Variants in FKTN observed in about 807,000 individuals in gnomAD.
FKTN encodes the protein ribitol-5-phosphate transferase FKTN.
In FKTN, 47 loss-of-function variants were observed where a neutral mutation model predicts 58.6. The ratio of observed to expected loss-of-function variants is 0.80; its 90% CI spans 0.63 to 1.02. FKTN has a LOEUF of 1.02. FKTN is among the 50% of genes least tolerant of loss of function. The probability of loss-of-function intolerance (pLI) is 0.00; values close to 1 mark genes in which losing one functional copy is unlikely to be tolerated. For missense variants in FKTN, 516 were observed against 537.3 expected, an observed-to-expected ratio of 0.96 and a Z score of 0.39; for synonymous variants, 178 against 191.9, an observed-to-expected ratio of 0.93 and a Z score of 0.60.
At chr9:105,615,767 C>T (rs1830695342) in intron 8 of FKTN, among the ~76,000 whole-genome samples, 1 of 152,144 alleles carries the variant, frequency 6.6e-6, no homozygotes. Context: ...ATATACGCTG[C>T]TCTTTCCCTA....
At chr9:105,571,313 C>A (rs557092296) in intron 1 of FKTN, among the ~76,000 whole-genome samples, 8 of 151,988 alleles carry the variant, frequency 5.3e-5, no homozygotes, top group African/African-American at 1.9e-4. Context: ...TTCAGTGTCA[C>A]ATTATTCATT....
chr9:105,638,595 T>C lies in FKTN; in HGVS notation c.*3331T>C. The C allele has an allele frequency of 1.0e-6, 1 of 985,338 alleles. No homozygotes were observed. Among genetic ancestry groups the C allele is most frequent in the Non-Finnish European group, 1.2e-6 (1 of 829,902 alleles). 61.0% of individuals were successfully genotyped at this position (985,338 alleles called of 1,614,324 possible). A position where few individuals can be genotyped will look rare whatever the true frequency, so the allele number is the denominator to read the frequency against. On this transcript the variant is annotated 3_prime_UTR_variant, in exon 11 of 11. Transcript: ENST00000357998. The stretch of plus-strand genomic sequence containing the variant: ...CTGAAGTGACCTTTTATGAGGCTCT[T>C]TCCTTCCTAAGGGACCTTTCCCTGG...
Position 105,609,040 on chromosome 9 carries a change from C to T in FKTN, c.780+1089C>T, listed in dbSNP as rs75135701. Among the ~76,000 whole-genome samples, 1,377 of 152,298 alleles carry T rather than the reference C, an allele frequency of 9.0e-3. 22 individuals are homozygous for T. The highest frequency in any genetic ancestry group is 0.032 in the African/African-American group (1,319 of 41,562). ...ATCACAGTGAATTATGAATATCTGTCTTGTCCTCTTATCAAATTTTATGAA... is the reference window on the plus strand; with the variant it reads ...ATCACAGTGAATTATGAATATCTGTTTTGTCCTCTTATCAAATTTTATGAA... On this transcript the variant is annotated intron_variant, in intron 7 of 10. Coordinates refer to ENST00000357998, the MANE Select transcript of FKTN (RefSeq NM_001079802.2).
chr9:105,563,172 G>T lies in FKTN; in HGVS notation c.-181+5007G>T, dbSNP rs139358591. ...AGGAAGCTGAAAGAATATGCAGTGG[G>T]GTTCCAAGATGGCCGAATAGGAACA... On this transcript the variant is annotated intron_variant, in intron 1 of 10. Transcript: ENST00000357998. 4.1e-4 allele frequency among the ~76,000 whole-genome samples: 62 copies of T among 152,322 alleles called. No individual in the cohort carries two copies. In the East Asian group the frequency reaches 0.012, roughly 28 times the overall value.
chr9:105,613,845 C>T (rs538507124), intron 7 of FKTN, among the ~76,000 whole-genome samples: 1 of 152,296 alleles, frequency 6.6e-6, no homozygotes, highest in East Asian at 1.9e-4. Context: ...AATAGAAACA[C>T]TTCCTGAATA....
chr9:105,570,239 C>T (rs950757596), intron 1 of FKTN, among the ~76,000 whole-genome samples: 6 of 151,954 alleles, frequency 3.9e-5, no homozygotes, highest in Admixed American at 3.3e-4. Context: ...GAGCATTGTG[C>T]AGTGTATTTT....
intron 10 of FKTN, among the ~76,000 whole-genome samples, chr9:105,634,586 A>G (rs967005218): frequency 2.6e-5 from 4 of 152,224 alleles, no homozygotes; most frequent in African/African-American, 9.6e-5. Context: ...CATGTAAGCT[A>G]TGGAACCAAA....
At chr9:105,626,813 G>A (rs1832796587) in intron 10 of FKTN, among the ~76,000 whole-genome samples, 1 of 152,022 alleles carries the variant, frequency 6.6e-6, no homozygotes, top group Admixed American at 6.6e-5. Context: ...TTGTAGTTTA[G>A]ATTTCTTTTT....
chr9:105,636,801 G>C lies in FKTN; in HGVS notation c.*1537G>C. ...TGGAAACCTGAATGTCTGAGGGAAT[G>C]GGCTGGTAGACTTTTTCGAAAACAA... On this transcript the variant is annotated 3_prime_UTR_variant, in exon 11 of 11. Coordinates refer to ENST00000357998, the MANE Select transcript of FKTN (RefSeq NM_001079802.2). The C allele has an allele frequency of 1.6e-6, 2 of 1,235,240 alleles. No homozygotes were observed. The highest frequency in any genetic ancestry group is 2.1e-6 in the Non-Finnish European group (2 of 944,770). The allele number at this position is 1,235,240 out of a possible 1,614,324, so 76.5% of individuals were successfully genotyped here.
chr9:105,578,653 C>T (rs1267060626), intron 3 of FKTN, among the ~76,000 whole-genome samples: 3 of 151,688 alleles, frequency 2.0e-5, no homozygotes, highest in South Asian at 2.1e-4. Flanking sequence ...AGTCTCTGCC[C>T]GGCTTTGGTA....
intron 1 of FKTN, among the ~76,000 whole-genome samples, chr9:105,564,370 A>G (rs10820816): frequency 0.11 from 16,404 of 152,286 alleles, 1,163 homozygotes; most frequent in Admixed American, 0.21. Flanking sequence ...AGGAAGTTCA[A>G]ACCCAACACA....
chr9:105,608,061 T>A, intron 7 of FKTN, 110 bp downstream of exon 7: 1 of 882,738 alleles, frequency 1.1e-6, no homozygotes, highest in Non-Finnish European at 1.8e-6. Flanking sequence ...AAAGTAAACA[T>A]CCTTTTTTGA....
At chr9:105,570,349 T>C (rs191630910) in intron 1 of FKTN, among the ~76,000 whole-genome samples, 3 of 152,254 alleles carry the variant, frequency 2.0e-5, no homozygotes, top group African/African-American at 4.8e-5. Context: ...TAATGCAAAA[T>C]AGAAACTAGT....
Position 105,635,571 on chromosome 9 carries a change from A to T in FKTN, c.*307A>T. 1 of 1,250,598 alleles carries T rather than the reference A, an allele frequency of 8.0e-7. No homozygotes were observed. The highest frequency in any genetic ancestry group is 1.0e-6 in the Non-Finnish European group (1 of 986,910). 77.5% of individuals were successfully genotyped at this position (1,250,598 alleles called of 1,614,324 possible). A position where few individuals can be genotyped will look rare whatever the true frequency, so the allele number is the denominator to read the frequency against. The stretch of plus-strand genomic sequence containing the variant: ...GGGAACCCTCCCCCACCCTTTGAAG[A>T]GTTCAAGTTCTGTACAGGTTTTTAA... On this transcript the variant is annotated 3_prime_UTR_variant, in exon 11 of 11. Transcript: ENST00000357998.
intron 10 of FKTN, among the ~76,000 whole-genome samples, chr9:105,624,860 C>T (rs1329872081): frequency 2.0e-5 from 3 of 151,988 alleles, no homozygotes; most frequent in Non-Finnish European, 2.9e-5. Flanking sequence ...GCTGAGTGAG[C>T]CCAGGAATTA....
intron 1 of FKTN, among the ~76,000 whole-genome samples, chr9:105,566,426 GAGA>G (rs1839630711): frequency 6.6e-6 from 1 of 151,994 alleles, no homozygotes; most frequent in Non-Finnish European, 1.5e-5. Context: ...GAAGAAAAGA[GAGA>G]AGAATGAAAT....
intron 3 of FKTN, among the ~76,000 whole-genome samples, chr9:105,589,908 G>A (rs1036670455): frequency 6.6e-6 from 1 of 152,218 alleles, no homozygotes; most frequent in Non-Finnish European, 1.5e-5. Context: ...GTAGACAAAT[G>A]AGTGATGGGG....
chr9:105,597,426 C>T (rs1588058658), intron 4 of FKTN, among the ~76,000 whole-genome samples: 1 of 152,082 alleles, frequency 6.6e-6, no homozygotes, highest in African/African-American at 2.4e-5. Context: ...TATTATCAGG[C>T]TCCCCAGCTC....
intron 4 of FKTN, chr9:105,600,828 CTG>C (rs1827743709): frequency 5.1e-6 from 1 of 194,846 alleles, no homozygotes; most frequent in South Asian, 1.1e-4. Context: ...ACCACTTCCT[CTG>C]TGAAATTTCT....
Sources: allele counts gnomAD v4.1 joint callset (sites outside exome capture counted in the v4.1 genomes callset), GRCh38; gene constraint gnomAD v4.1.1; transcripts MANE v1.5; gene names NCBI Gene and HGNC (gene_info 2026-07-23, HGNC 2026-07-21).